TFAP2C: variants seen among roughly 807,000 people sequenced by gnomAD.
TFAP2C encodes activating enhancer-binding protein 2 gamma.
TFAP2C carries 9 observed loss-of-function variants against 42.9 expected under a neutral mutation model. The ratio of observed to expected loss-of-function variants is 0.21; its 90% CI spans 0.13 to 0.37. The LOEUF (loss-of-function observed/expected upper bound fraction) is 0.37, where lower values mean the gene tolerates loss of function less well. Among genes scored for constraint, TFAP2C ranks in the 10% least tolerant of loss-of-function variants. The pLI, the probability that TFAP2C is intolerant of heterozygous loss-of-function variation, is 1.00. For missense variants in TFAP2C, 462 were observed against 591.7 expected (o/e 0.78, Z 2.27); for synonymous variants, 264 against 256.0 (o/e 1.03, Z -0.30).
At position 56,634,227 on chromosome 20, in the gene TFAP2C, G is replaced by A; in HGVS notation, c.881G>A (p.Arg294Gln). 6.2e-7 allele frequency: 1 copy of A among 1,614,176 alleles called. No homozygotes were observed. The highest frequency in any genetic ancestry group is 8.5e-7 in the Non-Finnish European group (1 of 1,180,006). Reference sequence around the variant, plus strand: ...GGGTTGAATCTTCCGGCCGGGAGGCGGAAAGCCGCTCATGTGACTCTCCTG... The same window carrying A: ...GGGTTGAATCTTCCGGCCGGGAGGCAGAAAGCCGCTCATGTGACTCTCCTG... Reference protein sequence around the residue: ...KIGLNLPAGRRKAAHVTLLTS... With the variant: ...KIGLNLPAGRQKAAHVTLLTS... The change falls in exon 5 of 7, where the codon CGG becomes CAG. Residue 294 changes from arginine to glutamine, a missense_variant. Arg to Gln is a conservative substitution (Grantham distance 43, BLOSUM62 1). Transcript: ENST00000201031.
In TFAP2C at chr20:56,631,289, C is replaced by G. The variant is rs146454069; in HGVS notation, c.133C>G (p.Pro45Ala). Reference protein sequence around the residue: ...AGQHLYSPAPPLSHTGVAEYQ... With the variant: ...AGQHLYSPAPALSHTGVAEYQ... ...GCAGCACCTCTACAGCCCCGCGCCACCCCTCTCCCACACTGGAGTCGCCGA... is the reference window on the plus strand; with the variant it reads ...GCAGCACCTCTACAGCCCCGCGCCAGCCCTCTCCCACACTGGAGTCGCCGA... Residue 45 changes from proline (P) to alanine (A), a missense_variant, in exon 2 of 7, where the codon CCC (proline) becomes GCC (alanine). Transcript: ENST00000201031. This position sits in a 1 kb window ranked among gnomAD's most constrained non-coding sequence, Gnocchi z 6.1. 15 of 1,606,828 alleles carry G rather than the reference C, an allele frequency of 9.3e-6. No homozygotes were observed. Among genetic ancestry groups the G allele is most frequent in the Admixed American group, 1.7e-5 (1 of 59,128 alleles).
Position 56,629,483 on chromosome 20 carries a change from C to T in TFAP2C, c.-62C>T. 2.2e-6 allele frequency: 3 copies of T among 1,338,568 alleles called. No homozygotes were observed. Among genetic ancestry groups the T allele is most frequent in the Non-Finnish European group, 1.9e-6 (2 of 1,034,306 alleles). The allele number at this position is 1,338,568 out of a possible 1,614,324, so 82.9% of individuals were successfully genotyped here. On this transcript the variant is annotated 5_prime_UTR_variant, in exon 1 of 7. Coordinates refer to ENST00000201031, the MANE Select transcript of TFAP2C (RefSeq NM_003222.4). This position sits in a 1 kb window ranked among gnomAD's most constrained non-coding sequence, Gnocchi z 5.9. ...ACCGTGACCCCGATTTTGGATTTAC[C>T]GCTTGGGGGCTGGGGGGATCCTGGA... is the stretch of plus-strand genomic sequence containing the variant.
intron 6 of TFAP2C, 115 bp from the exon 7 acceptor site, chr20:56,637,613 G>A (rs900465673): frequency 9.1e-6 from 8 of 879,742 alleles, no homozygotes; most frequent in African/African-American, 1.7e-5. Flanking sequence ...CTCCTTCCTC[G>A]GGTTGAAGCA....
In TFAP2C at chr20:56,631,572, G is replaced by A. The variant is rs1600897156; in HGVS notation, c.416G>A (p.Arg139His). The change falls in exon 2 of 7, where the codon CGC (arginine) becomes CAC (histidine). Residue 139 changes from arginine to histidine, a missense_variant. By Grantham distance (29) the Arg-to-His change is conservative. Transcript: ENST00000201031. This position sits in a 1 kb window ranked among gnomAD's most constrained non-coding sequence, Gnocchi z 6.1. Reference protein sequence around the residue: ...SGLEAGAVSARRDAYRRSDLL... With the variant: ...SGLEAGAVSAHRDAYRRSDLL... ...CTGGAGGCGGGCGCGGTGAGCGCCC[G>A]CAGGGATGCCTACCGCCGCTCCGAC... 6.5e-7 allele frequency: 1 copy of A among 1,534,584 alleles called. No individual in the cohort carries two copies. The highest frequency in any genetic ancestry group is 8.7e-7 in the Non-Finnish European group (1 of 1,147,600).
Position 56,638,352 on chromosome 20 carries a change from AC to A in TFAP2C, c.*342del. On this transcript the variant is annotated 3_prime_UTR_variant, in exon 7 of 7. Coordinates refer to ENST00000201031, the MANE Select transcript of TFAP2C (RefSeq NM_003222.4). Reference sequence around the variant, plus strand: ...TTAAATACATTCCCTGGGCCAACAGACCCACACACTTAGCCATTGAAATGTC... The same window carrying A: ...TTAAATACATTCCCTGGGCCAACAGACCACACACTTAGCCATTGAAATGTC... The A allele has an allele frequency of 4.3e-6, 1 of 232,060 alleles. No individual in the cohort carries two copies. Among genetic ancestry groups the A allele is most frequent in the East Asian group, 8.9e-5 (1 of 11,262 alleles). 14.4% of individuals were successfully genotyped at this position (232,060 alleles called of 1,614,324 possible).
chr20:56,630,490 C>A lies in TFAP2C; in HGVS notation c.49-715C>A, dbSNP rs1987466933. The A allele has an allele frequency of 8.4e-6, 3 of 355,412 alleles. No homozygotes were observed. The Middle Eastern group carries it at 1.3e-3, about 150-fold the overall frequency. 22.0% of individuals were successfully genotyped at this position (355,412 alleles called of 1,614,324 possible). A position where few individuals can be genotyped will look rare whatever the true frequency, so the allele number is the denominator to read the frequency against. On this transcript the variant is annotated intron_variant, in intron 1 of 6. Transcript: ENST00000201031. This position sits in a 1 kb window ranked among gnomAD's most constrained non-coding sequence, Gnocchi z 5.1. ...AGGCTGCCCAATTTCCAGGGTTCTT[C>A]ATGCCCCCTCTGCGCCCCGACGTGC...
intron 5 of TFAP2C, among the ~76,000 whole-genome samples, chr20:56,636,270 G>T (rs1987580927): frequency 6.6e-6 from 1 of 152,226 alleles, no homozygotes; most frequent in Non-Finnish European, 1.5e-5. Flanking sequence ...GGGGCTGGGT[G>T]CTGTGGCTCA....
rs1478156811 is a variant in TFAP2C, at chr20:56,629,615, A to AGCCCC, written c.48+32_48+36dup. On this transcript the variant is annotated intron_variant, in intron 1 of 6. Coordinates refer to ENST00000201031, the MANE Select transcript of TFAP2C (RefSeq NM_003222.4). This position sits in a 1 kb window ranked among gnomAD's most constrained non-coding sequence, Gnocchi z 5.9. ...GAGGTGAGCTGGGGCTCCGGGGTGC[A>AGCCCC]GCCCCGCCCCGCCGAGGACAGTCCG... 1.4e-6 allele frequency: 2 copies of AGCCCC among 1,387,668 alleles called. No homozygotes were observed. The highest frequency in any genetic ancestry group is 1.9e-5 in the South Asian group (1 of 52,512). The allele number at this position is 1,387,668 out of a possible 1,614,324, so 86.0% of individuals were successfully genotyped here.
intron 6 of TFAP2C, among the ~76,000 whole-genome samples, chr20:56,637,264 C>T (rs954022887): frequency 1.3e-5 from 2 of 152,132 alleles, no homozygotes; most frequent in South Asian, 2.1e-4. Context: ...CAGAACTAGT[C>T]GAGCCAGGAA....
In TFAP2C at chr20:56,631,199, C is replaced by A; in HGVS notation, c.49-6C>A. 1 of 1,514,406 alleles carries A rather than the reference C, an allele frequency of 6.6e-7. No individual in the cohort carries two copies. The highest frequency in any genetic ancestry group is 1.3e-5 in the South Asian group (1 of 76,016). The allele number at this position is 1,514,406 out of a possible 1,614,324, so 93.8% of individuals were successfully genotyped here. A position where few individuals can be genotyped will look rare whatever the true frequency, so the allele number is the denominator to read the frequency against. On this transcript the variant is annotated splice_region_variant and splice_polypyrimidine_tract_variant and intron_variant, in intron 1 of 6. Coordinates refer to ENST00000201031, the MANE Select transcript of TFAP2C (RefSeq NM_003222.4). This position sits in a 1 kb window ranked among gnomAD's most constrained non-coding sequence, Gnocchi z 6.1. ...CGGGGTCTCCTGTTTTTTTTTTTCC[C>A]TCCAGGATCGCCACGACGGGAGCAG...
intron 5 of TFAP2C, among the ~76,000 whole-genome samples, chr20:56,635,086 C>T (rs1987559242): frequency 6.6e-6 from 1 of 152,240 alleles, no homozygotes; most frequent in Non-Finnish European, 1.5e-5. Context: ...CTTTTGAAGA[C>T]TTTCTTTCCT....
At chr20:56,632,991 A>G (rs1987520632) in intron 3 of TFAP2C, among the ~76,000 whole-genome samples, 1 of 152,132 alleles carries the variant, frequency 6.6e-6, no homozygotes, top group Admixed American at 6.6e-5. Flanking sequence ...TGGGAGGCCA[A>G]GGTGGGCAGA....
In TFAP2C at chr20:56,630,176, T is replaced by G; in HGVS notation, c.48+584T>G. On this transcript the variant is annotated intron_variant, in intron 1 of 6. Transcript: ENST00000201031. The surrounding 1 kb of genome is among the most constrained non-coding windows in gnomAD (Gnocchi z 5.1). ...CAGGTTGAGCTAGAGTTTCGGAGAG[T>G]GGGAGGGAAGAAGGAGGCGGCGAGC... The G allele has an allele frequency of 1.2e-5, 3 of 260,444 alleles. No homozygotes were observed. Among genetic ancestry groups the G allele is most frequent in the East Asian group, 1.2e-4 (1 of 8,054 alleles). 16.1% of individuals were successfully genotyped at this position (260,444 alleles called of 1,614,324 possible). A position where few individuals can be genotyped will look rare whatever the true frequency, so the allele number is the denominator to read the frequency against.
rs1420255200 is a variant in TFAP2C at position 56,630,797 on chromosome 20, G to A, written c.49-408G>A. The A allele has an allele frequency of 4.1e-6, 4 of 985,284 alleles. No individual in the cohort carries two copies. Among genetic ancestry groups the A allele is most frequent in the Non-Finnish European group, 4.8e-6 (4 of 829,940 alleles). The allele number at this position is 985,284 out of a possible 1,614,324, so 61.0% of individuals were successfully genotyped here. On this transcript the variant is annotated intron_variant, in intron 1 of 6. Coordinates refer to ENST00000201031, the MANE Select transcript of TFAP2C (RefSeq NM_003222.4). The surrounding 1 kb of genome is among the most constrained non-coding windows in gnomAD (Gnocchi z 5.1). ...CTCCAGCAGTCCCTGCGTCATGGGC[G>A]GGCTCCACGAGATAGCTCTGCACCG...
At position 56,634,276 on chromosome 20, in the gene TFAP2C, G is replaced by A. The variant is rs1355464766; in HGVS notation, c.922+8G>A. ...TGACATCCTTAGTAGAAGGTCAGTG[G>A]GGTTTTGTTTTTGGTTCGTGATGTT... On this transcript the variant is annotated splice_region_variant and intron_variant, in intron 5 of 6. Transcript: ENST00000201031. 6.3e-7 allele frequency: 1 copy of A among 1,597,186 alleles called. No homozygotes were observed. Among genetic ancestry groups the A allele is most frequent in the South Asian group, 1.1e-5 (1 of 90,444 alleles).
In TFAP2C at chr20:56,638,278, A is replaced by C; in HGVS notation, c.*265A>C. The stretch of plus-strand genomic sequence containing the variant: ...TATTCATTAAGCTTTTTTTTTTTGA[A>C]CCCCATTCTTTCCTTCTCTGAAAGT... On this transcript the variant is annotated 3_prime_UTR_variant, in exon 7 of 7. Transcript: ENST00000201031. 1 of 382,286 alleles carries C rather than the reference A, an allele frequency of 2.6e-6. No homozygotes were observed. Among genetic ancestry groups the C allele is most frequent in the Non-Finnish European group, 4.7e-6 (1 of 213,346 alleles). 23.7% of individuals were successfully genotyped at this position (382,286 alleles called of 1,614,324 possible). A position where few individuals can be genotyped will look rare whatever the true frequency, so the allele number is the denominator to read the frequency against.
In TFAP2C at chr20:56,631,558, C is replaced by A; in HGVS notation, c.402C>A (p.Gly134=). 6.5e-7 allele frequency: 1 copy of A among 1,530,136 alleles called. No individual in the cohort carries two copies. The highest frequency in any genetic ancestry group is 8.7e-7 in the Non-Finnish European group (1 of 1,145,340). The allele number at this position is 1,530,136 out of a possible 1,614,324, so 94.8% of individuals were successfully genotyped here. Residue 134 remains glycine, a synonymous_variant, in exon 2 of 7, where the codon GGC becomes GGA. Coordinates refer to ENST00000201031, the MANE Select transcript of TFAP2C (RefSeq NM_003222.4). This position sits in a 1 kb window ranked among gnomAD's most constrained non-coding sequence, Gnocchi z 6.1. ...CCCACCTCTCCGGGCTGGAGGCGGGCGCGGTGAGCGCCCGCAGGGATGCCT... is the reference window on the plus strand; with the variant it reads ...CCCACCTCTCCGGGCTGGAGGCGGGAGCGGTGAGCGCCCGCAGGGATGCCT... ...LLPHLSGLEA[G]AVSARRDAYR... is the part of the protein sequence containing the mutation.
chr20:56,630,371 A>C lies in TFAP2C; in HGVS notation c.48+779A>C, dbSNP rs553057977. The C allele has an allele frequency of 2.2e-6, 1 of 458,230 alleles. No homozygotes were observed. The highest frequency in any genetic ancestry group is 1.6e-5 in the South Asian group (1 of 63,604). 28.4% of individuals were successfully genotyped at this position (458,230 alleles called of 1,614,324 possible). On this transcript the variant is annotated intron_variant, in intron 1 of 6. Coordinates refer to ENST00000201031, the MANE Select transcript of TFAP2C (RefSeq NM_003222.4). The surrounding 1 kb of genome is among the most constrained non-coding windows in gnomAD (Gnocchi z 5.1). ...GGAGGCGACAGCGCCATGTTCCTCC[A>C]GGTTCCCGGCGCCCCGAGACCCCTG... is the stretch of plus-strand genomic sequence containing the variant.
At position 56,630,505 on chromosome 20, in the gene TFAP2C, C is replaced by T. The variant is rs1987467312; in HGVS notation, c.49-700C>T. The T allele has an allele frequency of 5.8e-6, 2 of 347,132 alleles. No homozygotes were observed. The highest frequency in any genetic ancestry group is 7.6e-5 in the Admixed American group (2 of 26,338). 21.5% of individuals were successfully genotyped at this position (347,132 alleles called of 1,614,324 possible). A position where few individuals can be genotyped will look rare whatever the true frequency, so the allele number is the denominator to read the frequency against. ...CAGGGTTCTTCATGCCCCCTCTGCG[C>T]CCCGACGTGCGAGAACACTGCCCTT... On this transcript the variant is annotated intron_variant, in intron 1 of 6. Coordinates refer to ENST00000201031, the MANE Select transcript of TFAP2C (RefSeq NM_003222.4). The surrounding 1 kb of genome is among the most constrained non-coding windows in gnomAD (Gnocchi z 5.1).
Sources: gnomAD v4.1 joint callset for allele counts (sites outside exome capture counted in the v4.1 genomes callset) on GRCh38, gnomAD v4.1.1 for gene constraint, Gnocchi (gnomAD v3.1) non-coding constraint, MANE v1.5 for transcripts, NCBI Gene and HGNC (gene_info 2026-07-23, HGNC 2026-07-21) for gene names.